Variants in TRIM51G observed in about 807,000 individuals in gnomAD.
TRIM51G encodes the protein tripartite motif-containing protein 51G.
the TRIM51G span, chr11:48,975,631 A>G: frequency 9.2e-6 from 13 of 1,410,394 alleles, no homozygotes; most frequent in Non-Finnish European, 1.3e-5. Context: ...GAATAATCCT[A>G]CTGTGTCTGT....
At chr11:48,981,537 A>G in the TRIM51G span, 1 of 1,602,780 alleles carries the variant, frequency 6.2e-7, no homozygotes, top group Non-Finnish European at 8.5e-7. Context: ...TCTTGCATTT[A>G]GAGCACTGAG....
the TRIM51G span, among the ~76,000 whole-genome samples, chr11:48,977,714 T>G: frequency 3.9e-5 from 6 of 152,154 alleles, no homozygotes; most frequent in African/African-American, 1.4e-4. Flanking sequence ...CATCAACACT[T>G]TTCACTGCTA....
chr11:48,977,521 G>A, the TRIM51G span, among the ~76,000 whole-genome samples: 2 of 152,100 alleles, frequency 1.3e-5, no homozygotes, highest in Non-Finnish European at 2.9e-5. Flanking sequence ...GAAAAGTGGG[G>A]TTATTTTTAA....
chr11:48,977,990 A>C, the TRIM51G span: 9 of 395,394 alleles, frequency 2.3e-5, 1 homozygote, highest in South Asian at 1.8e-4. Flanking sequence ...GCAACAAAAT[A>C]GATGACTACA....
chr11:48,980,474 C>T, the TRIM51G span, among the ~76,000 whole-genome samples: 1 of 151,978 alleles, frequency 6.6e-6, no homozygotes, highest in Non-Finnish European at 1.5e-5. Flanking sequence ...TGCACTCTTG[C>T]TCCTTCTGCC....
the TRIM51G span, chr11:48,978,878 T>C: frequency 3.6e-6 from 5 of 1,377,994 alleles, no homozygotes; most frequent in African/African-American, 7.1e-5. Context: ...GTACCTGGAA[T>C]AGCTCCACAA....
the TRIM51G span, among the ~76,000 whole-genome samples, chr11:48,978,690 A>G: frequency 6.6e-6 from 1 of 152,082 alleles, no homozygotes; most frequent in Non-Finnish European, 1.5e-5. Context: ...AGTAGGAGGG[A>G]CCTTCGGTCT....
the TRIM51G span, chr11:48,978,000 A>C: frequency 9.2e-6 from 4 of 436,692 alleles, no homozygotes; most frequent in African/African-American, 8.4e-5. Flanking sequence ...AGATGACTAC[A>C]TGGGGTGGGG....
chr11:48,978,570 T>C, the TRIM51G span, among the ~76,000 whole-genome samples: 1 of 152,170 alleles, frequency 6.6e-6, no homozygotes, highest in African/African-American at 2.4e-5. Context: ...CACTTCTCAT[T>C]TTATCTACTT....
At chr11:48,981,915 A>T in the TRIM51G span, among the ~76,000 whole-genome samples, 1 of 152,108 alleles carries the variant, frequency 6.6e-6, no homozygotes. Context: ...AACCTCTTCT[A>T]CTCCTAGTTC....
the TRIM51G span, chr11:48,981,231 G>T: frequency 3.8e-6 from 6 of 1,595,940 alleles, no homozygotes; most frequent in Admixed American, 1.7e-5. Context: ...GAAATAGGCT[G>T]ACAAGAATTC....
chr11:48,980,351 A>C, the TRIM51G span, among the ~76,000 whole-genome samples: 1 of 152,136 alleles, frequency 6.6e-6, no homozygotes, highest in African/African-American at 2.4e-5. Context: ...TCACATATTT[A>C]TGTCTTCATC....
At chr11:48,983,640 G>T in the TRIM51G span, among the ~76,000 whole-genome samples, 4 of 151,144 alleles carry the variant, frequency 2.6e-5, no homozygotes, top group African/African-American at 7.3e-5. Context: ...TTACAAATAA[G>T]ATCATTAAGT....
At chr11:48,979,539 A>G in the TRIM51G span, among the ~76,000 whole-genome samples, 5 of 152,102 alleles carry the variant, frequency 3.3e-5, no homozygotes, top group African/African-American at 7.2e-5. Context: ...CCAGCATAAC[A>G]TATTCTAAAA....
chr11:48,982,171 C>G, the TRIM51G span, among the ~76,000 whole-genome samples: 1 of 151,572 alleles, frequency 6.6e-6, no homozygotes, highest in Non-Finnish European at 1.5e-5. Flanking sequence ...CTCTTTAAAA[C>G]AAAAACAACC....
At chr11:48,980,823 G>A in the TRIM51G span, 1 of 418,422 alleles carries the variant, frequency 2.4e-6, no homozygotes, top group Admixed American at 3.2e-5. Context: ...AAACATTATG[G>A]GTTGAGATCA....
At chr11:48,977,444 G>A in the TRIM51G span, among the ~76,000 whole-genome samples, 3 of 152,096 alleles carry the variant, frequency 2.0e-5, no homozygotes, top group Non-Finnish European at 2.9e-5. Flanking sequence ...TCTTAAGACT[G>A]GGAGAATATT....
the TRIM51G span, among the ~76,000 whole-genome samples, chr11:48,983,166 C>T: frequency 1.6e-5 from 2 of 128,908 alleles, no homozygotes; most frequent in African/African-American, 5.9e-5. Context: ...TCATCTGAGC[C>T]ATTTCAAGGA....
At chr11:48,983,101 G>A in the TRIM51G span, among the ~76,000 whole-genome samples, 400 of 99,558 alleles carry the variant, frequency 4.0e-3, 1 homozygote, top group African/African-American at 0.015. Context: ...ACTAAACACT[G>A]CTGAATTTAA....
Sources: allele counts gnomAD v4.1 joint callset (sites outside exome capture counted in the v4.1 genomes callset), GRCh38; gene constraint gnomAD v4.1.1; transcripts MANE v1.5; gene names NCBI Gene and HGNC (gene_info 2026-07-23, HGNC 2026-07-21).